Variants in MFAP1 observed in about 807,000 individuals in gnomAD.
The protein encoded by MFAP1 is microfibril associated protein 1.
MFAP1 carries 18 observed loss-of-function variants against 62.2 expected under a neutral mutation model. The ratio of observed to expected loss-of-function variants is 0.29; its 90% confidence interval spans 0.20 to 0.43. The LOEUF (loss-of-function observed/expected upper bound fraction) is 0.43. Among genes scored for constraint, MFAP1 ranks in the 20% least tolerant of loss-of-function variants. The pLI, the probability that MFAP1 is intolerant of heterozygous loss-of-function variation, is 1.00. For missense variants in MFAP1, 355 were observed against 559.7 expected, an observed-to-expected ratio of 0.63 and a Z score of 3.69; for synonymous variants, 175 against 180.4, an observed-to-expected ratio of 0.97 and a Z score of 0.24.
intron 1 of MFAP1, among the ~76,000 whole-genome samples, chr15:43,820,728 C>G (rs896015409): frequency 2.6e-5 from 4 of 152,164 alleles, no homozygotes; most frequent in South Asian, 2.1e-4. Context: ...GCCTCAGCCT[C>G]CCAAGTAGCT....
At chr15:43,812,891 A>G in intron 6 of MFAP1, 96 bp downstream of exon 6, 1 of 1,383,012 alleles carries the variant, frequency 7.2e-7, no homozygotes, top group Admixed American at 2.2e-5. Context: ...GAAGGTGGCT[A>G]GAATGGAACT....
Position 43,804,963 on chromosome 15 carries a change from A to C in MFAP1, c.*131T>G. ...AGCACCTTCAAAGTCTGGGCTACCC[A>C]GTATCACAAGTATAGCAGTAAGTCC... is the stretch of plus-strand genomic sequence containing the variant. On this transcript the variant is annotated 3_prime_UTR_variant, in exon 9 of 9. Transcript: ENST00000267812. 8.0e-6 allele frequency: 8 copies of C among 998,194 alleles called. No individual in the cohort carries two copies. Among genetic ancestry groups the C allele is most frequent in the East Asian group, 4.9e-5 (2 of 40,742 alleles). 61.8% of individuals were successfully genotyped at this position (998,194 alleles called of 1,614,324 possible).
intron 1 of MFAP1, among the ~76,000 whole-genome samples, chr15:43,822,185 A>G (rs1423749998): frequency 2.2e-5 from 3 of 139,022 alleles, no homozygotes; most frequent in African/African-American, 8.2e-5. Context: ...GGTCAACAAG[A>G]GTGAAACTCT....
intron 7 of MFAP1, among the ~76,000 whole-genome samples, chr15:43,805,940 T>G (rs190144093): frequency 1.3e-5 from 2 of 151,044 alleles, no homozygotes; most frequent in East Asian, 1.9e-4. Context: ...CTTTGTTGTA[T>G]TTCTCCTTTT....
intron 5 of MFAP1, 41 bp from the exon 6 acceptor site, chr15:43,813,188 C>G: frequency 6.2e-7 from 1 of 1,614,070 alleles, no homozygotes; most frequent in South Asian, 1.1e-5. Context: ...TCCTTACTCT[C>G]CTCAGACAAA....
At chr15:43,818,366 A>G (rs2087447648) in intron 1 of MFAP1, among the ~76,000 whole-genome samples, 1 of 152,156 alleles carries the variant, frequency 6.6e-6, no homozygotes, top group East Asian at 1.9e-4. Flanking sequence ...AAACTAACCA[A>G]CTTATTTTAT....
intron 7 of MFAP1, among the ~76,000 whole-genome samples, chr15:43,808,464 G>A (rs1340749759): frequency 2.6e-5 from 4 of 152,192 alleles, no homozygotes; most frequent in Non-Finnish European, 5.9e-5. Flanking sequence ...AAAATGTTAA[G>A]ATTACAGGCA....
In MFAP1 at chr15:43,813,002, C is replaced by G. The variant is rs1346422310; in HGVS notation, c.872G>C (p.Arg291Thr). ...TTTTACTCACGCTTCTCGATCTTCT[C>G]TGTCCCTCTTGATTCTTTTTAGCTC... ...VRELKRIKRD[R>T]EDREALEKEK... Residue 291 changes from arginine (R) to threonine (T), a missense_variant, in exon 6 of 9, where the codon AGA (arginine) becomes ACA (threonine). This residue lies in a region of MFAP1 where 257 missense variants were observed against 341.3 expected (regional missense o/e 0.75). Coordinates refer to ENST00000267812, the MANE Select transcript of MFAP1 (RefSeq NM_005926.3). The G allele has an allele frequency of 1.2e-6, 2 of 1,614,068 alleles. No individual in the cohort carries two copies. The highest frequency in any genetic ancestry group is 1.7e-6 in the Non-Finnish European group (2 of 1,180,050).
At chr15:43,812,614 T>C (rs1474215822) in intron 6 of MFAP1, among the ~76,000 whole-genome samples, 3 of 152,160 alleles carry the variant, frequency 2.0e-5, no homozygotes, top group Non-Finnish European at 4.4e-5. Flanking sequence ...GTGAAATCAG[T>C]AGAGGAACTG....
intron 6 of MFAP1, among the ~76,000 whole-genome samples, chr15:43,812,569 C>G (rs1420585044): frequency 6.6e-6 from 1 of 152,192 alleles, no homozygotes; most frequent in Non-Finnish European, 1.5e-5. Context: ...CCCAGTCAAC[C>G]TTCCAGCTGG....
At position 43,809,724 on chromosome 15, in the gene MFAP1, C is replaced by T. The variant is rs776818548; in HGVS notation, c.1047+31G>A. 8.7e-6 allele frequency: 14 copies of T among 1,603,056 alleles called. No individual in the cohort carries two copies. In the South Asian group the frequency reaches 1.4e-4, roughly 16 times the overall value. On this transcript the variant is annotated intron_variant, in intron 7 of 8. Coordinates refer to ENST00000267812, the MANE Select transcript of MFAP1 (RefSeq NM_005926.3). ...AAAGTTTCTGAGTTATTCCTACTGC[C>T]CAATTTTCTGACTCTCTTTTCACTT...
At chr15:43,812,742 C>T (rs1440074186) in intron 6 of MFAP1, among the ~76,000 whole-genome samples, 1 of 152,172 alleles carries the variant, frequency 6.6e-6, no homozygotes, top group Admixed American at 6.5e-5. Flanking sequence ...TTTGTGTCTA[C>T]TAGGAAACTA....
chr15:43,823,842 G>C (rs1567178503), intron 1 of MFAP1, among the ~76,000 whole-genome samples: 1 of 152,108 alleles, frequency 6.6e-6, no homozygotes, highest in Non-Finnish European at 1.5e-5. Context: ...GACTAGATAC[G>C]GCGGCATCTA....
rs2087389143 is a variant in MFAP1 at position 43,809,971 on chromosome 15, T to A, written c.888-57A>T. ...TGTTACAGCTTCAGAAAGACCAAATTATCTGAAAATAACAGTCCCATGTCA... is the reference window on the plus strand; with the variant it reads ...TGTTACAGCTTCAGAAAGACCAAATAATCTGAAAATAACAGTCCCATGTCA... On this transcript the variant is annotated intron_variant, in intron 6 of 8. Transcript: ENST00000267812. The A allele has an allele frequency of 6.3e-6, 10 of 1,587,416 alleles. No homozygotes were observed. In the Admixed American group the frequency reaches 1.6e-4, roughly 25 times the overall value.
At chr15:43,808,439 C>T (rs2087379170) in intron 7 of MFAP1, among the ~76,000 whole-genome samples, 1 of 152,222 alleles carries the variant, frequency 6.6e-6, no homozygotes, top group Admixed American at 6.5e-5. Flanking sequence ...AACTGATCTG[C>T]TGGCCTTGCC....
chr15:43,805,559 A>G (rs1466378932), intron 7 of MFAP1, 94 bp from the exon 8 acceptor site: 2 of 996,588 alleles, frequency 2.0e-6, no homozygotes, highest in Admixed American at 5.8e-5. Context: ...ATACAGAGAA[A>G]GCAGAGGGTA....
chr15:43,821,957 T>C (rs1375133006), intron 1 of MFAP1, among the ~76,000 whole-genome samples: 1 of 151,672 alleles, frequency 6.6e-6, no homozygotes, highest in African/African-American at 2.4e-5. Context: ...AAGAGAAGAC[T>C]CCATAATTAA....
chr15:43,815,346 A>G (rs2087427822), intron 2 of MFAP1, among the ~76,000 whole-genome samples: 1 of 151,592 alleles, frequency 6.6e-6, no homozygotes, highest in East Asian at 1.9e-4. Flanking sequence ...CCTGGCTAAT[A>G]TTTGTATTTT....
chr15:43,817,140 A>C, intron 2 of MFAP1, 89 bp downstream of exon 2: 1 of 1,260,168 alleles, frequency 7.9e-7, no homozygotes, highest in Non-Finnish European at 1.1e-6. Flanking sequence ...AATGTAATCT[A>C]CTTGGTAGTA....
Sources: allele counts gnomAD v4.1 joint callset (sites outside exome capture counted in the v4.1 genomes callset), GRCh38; gene constraint gnomAD v4.1.1; regional missense constraint gnomAD v4.1.1; transcripts MANE v1.5; gene names NCBI Gene and HGNC (gene_info 2026-07-23, HGNC 2026-07-21).